Variants in ERC2 observed in about 807,000 individuals in gnomAD.
ERC2 encodes the protein ELKS/RAB6-interacting/CAST family member 2.
Under a neutral mutation model 114.8 loss-of-function variants are expected in ERC2, and 42 were observed. That is an observed-to-expected ratio of 0.37 (90% CI 0.29 to 0.47). The LOEUF is 0.47. Ranked by LOEUF, ERC2 falls within the 20% of genes least tolerant of loss-of-function variation. The pLI is 0.99. For missense variants in ERC2, 939 were observed against 1,150.7 expected, an observed-to-expected ratio of 0.82 and a Z score of 2.66; for synonymous variants, 454 against 425.5, an observed-to-expected ratio of 1.07 and a Z score of -0.82.
intron 17 of ERC2, among the ~76,000 whole-genome samples, chr3:55,650,030 A>G (rs1203392460): frequency 2.0e-5 from 3 of 152,142 alleles, no homozygotes; most frequent in Admixed American, 6.5e-5. Flanking sequence ...CTTGCTGGCC[A>G]TGTGCCTCCA....
chr3:55,580,813 A>G (rs912650787), intron 17 of ERC2, among the ~76,000 whole-genome samples: 1 of 152,222 alleles, frequency 6.6e-6, no homozygotes, highest in Non-Finnish European at 1.5e-5. Context: ...GTGCTTGCCT[A>G]CATGGGGTTC....
rs1454339504 is a variant in ERC2 at position 55,728,032 on chromosome 3, C to G, written c.2712+6739G>C. On this transcript the variant is annotated intron_variant, in intron 15 of 17. Coordinates refer to ENST00000288221, the MANE Select transcript of ERC2 (RefSeq NM_015576.3). ...GAATATTGGGGTGAGAATTATGAGG[C>G]TAAGTCTTACCTACAGGGAACAAGG... Among the ~76,000 whole-genome samples the G allele has an allele frequency of 4.6e-5, 7 of 152,094 alleles. No homozygotes were observed. The East Asian group carries it at 1.3e-3, about 29-fold the overall frequency.
intron 14 of ERC2, among the ~76,000 whole-genome samples, chr3:55,784,479 A>G (rs965843650): frequency 9.2e-5 from 14 of 152,248 alleles, no homozygotes; most frequent in Non-Finnish European, 1.9e-4. Flanking sequence ...CAAACCAGTC[A>G]TATCAACAAC....
intron 6 of ERC2, among the ~76,000 whole-genome samples, chr3:56,098,687 T>C (rs11717384): frequency 3.5e-4 from 53 of 152,144 alleles, no homozygotes; most frequent in Non-Finnish European, 6.9e-4. Context: ...GGAAGCAGCT[T>C]CATAGAGCCT....
chr3:55,750,220 ATCT>A (rs1399943294), intron 14 of ERC2, among the ~76,000 whole-genome samples: 2 of 152,214 alleles, frequency 1.3e-5, no homozygotes, highest in African/African-American at 4.8e-5. Flanking sequence ...GTTTATTAAC[ATCT>A]TCATTGTTAA....
At chr3:56,217,879 G>C (rs2049601426) in intron 3 of ERC2, among the ~76,000 whole-genome samples, 1 of 151,982 alleles carries the variant, frequency 6.6e-6, no homozygotes, top group Non-Finnish European at 1.5e-5. Flanking sequence ...ACAAAAACAG[G>C]AAATGGGGAA....
intron 3 of ERC2, among the ~76,000 whole-genome samples, chr3:56,247,487 T>C (rs1421548944): frequency 6.6e-6 from 1 of 152,254 alleles, no homozygotes; most frequent in African/African-American, 2.4e-5. Context: ...CAGTGTAATC[T>C]ATTAATTTGC....
At chr3:56,103,651 G>C (rs2078481380) in intron 6 of ERC2, among the ~76,000 whole-genome samples, 1 of 152,014 alleles carries the variant, frequency 6.6e-6, no homozygotes, top group Non-Finnish European at 1.5e-5. Context: ...TAGAATCCAA[G>C]GAAGTCTCCA....
intron 8 of ERC2, 58 bp downstream of exon 8, chr3:56,018,836 C>T: frequency 1.3e-6 from 2 of 1,572,932 alleles, no homozygotes; most frequent in South Asian, 1.2e-5. Context: ...TTGGGATCAA[C>T]TTTCCCCAAC....
chr3:55,629,080 T>A (rs564504678), intron 17 of ERC2, among the ~76,000 whole-genome samples: 1 of 152,176 alleles, frequency 6.6e-6, no homozygotes, highest in Admixed American at 6.5e-5. Context: ...AGAAGAAATC[T>A]CCCTTTGCCT....
At chr3:56,200,108 G>A (rs2048326846) in intron 3 of ERC2, among the ~76,000 whole-genome samples, 1 of 152,076 alleles carries the variant, frequency 6.6e-6, no homozygotes, top group Non-Finnish European at 1.5e-5. Flanking sequence ...GGGTTACTGT[G>A]AGGAATTCAG....
At chr3:56,076,466 G>A (rs2076982823) in intron 7 of ERC2, among the ~76,000 whole-genome samples, 1 of 152,136 alleles carries the variant, frequency 6.6e-6, no homozygotes, top group Non-Finnish European at 1.5e-5. Flanking sequence ...TAGTCAGGTA[G>A]CACTTCATCA....
chr3:55,792,572 C>T (rs2070129415), intron 14 of ERC2, among the ~76,000 whole-genome samples: 1 of 152,132 alleles, frequency 6.6e-6, no homozygotes, highest in African/African-American at 2.4e-5. Flanking sequence ...CTTTTGATTT[C>T]CATTTGTTGT....
At chr3:55,619,132 A>G (rs1216010152) in intron 17 of ERC2, among the ~76,000 whole-genome samples, 1 of 152,222 alleles carries the variant, frequency 6.6e-6, no homozygotes, top group Non-Finnish European at 1.5e-5. Context: ...GTACCACTTA[A>G]TAAAACAGGA....
At chr3:56,377,304 C>T (rs11923975) in intron 2 of ERC2, among the ~76,000 whole-genome samples, 37,976 of 151,986 alleles carry the variant, frequency 0.25, 5,046 homozygotes, top group Non-Finnish European at 0.29. Context: ...CCTTGATATA[C>T]GTGTCTCCAT....
chr3:56,188,336 C>T (rs1266528542), intron 3 of ERC2, among the ~76,000 whole-genome samples: 4 of 152,108 alleles, frequency 2.6e-5, no homozygotes, highest in East Asian at 1.9e-4. Flanking sequence ...GTGGAGAAGG[C>T]GTGGGAGAGG....
intron 1 of ERC2, among the ~76,000 whole-genome samples, chr3:56,465,139 C>T (rs1458663473): frequency 6.6e-6 from 1 of 152,238 alleles, no homozygotes; most frequent in East Asian, 1.9e-4. Context: ...TGGTTCACAC[C>T]TGTAATGCCA....
chr3:56,331,910 G>A (rs1421028002), intron 2 of ERC2, among the ~76,000 whole-genome samples: 1 of 152,144 alleles, frequency 6.6e-6, no homozygotes, highest in Non-Finnish European at 1.5e-5. Context: ...CTAAATTTTT[G>A]AGGACAAGTA....
intron 14 of ERC2, among the ~76,000 whole-genome samples, chr3:55,859,695 C>T (rs2061946940): frequency 7.2e-6 from 1 of 139,328 alleles, no homozygotes; most frequent in Admixed American, 7.1e-5. Flanking sequence ...CACCCACATC[C>T]CCACCACCAC....
Sources: allele counts gnomAD v4.1 joint callset (sites outside exome capture counted in the v4.1 genomes callset), GRCh38; gene constraint gnomAD v4.1.1; transcripts MANE v1.5; gene names NCBI Gene and HGNC (gene_info 2026-07-23, HGNC 2026-07-21).